The following ZNF676 variants were observed in gnomAD, a reference collection of about 807,000 sequenced individuals.
ZNF676 encodes zinc finger protein 676.
In ZNF676, 4 loss-of-function variants were observed where a neutral mutation model predicts 6.0. That is an observed-to-expected ratio of 0.67 (90% CI 0.33 to 1.53). ZNF676 has a LOEUF of 1.53. ZNF676 is among the 40% of genes most tolerant of loss of function. The pLI is 0.06. For synonymous variants in ZNF676, 198 were observed against 223.1 expected, an observed-to-expected ratio of 0.89 and a Z score of 1.00; for missense variants, 644 against 679.7, an observed-to-expected ratio of 0.95 and a Z score of 0.58.
chr19:22,181,924 T>A (rs1394985307), intron 2 of ZNF676, among the ~76,000 whole-genome samples: 1 of 144,066 alleles, frequency 6.9e-6, no homozygotes, highest in East Asian at 2.2e-4. Flanking sequence ...ATTGTCCATT[T>A]CTGATTTTTT....
the ZNF676 span, among the ~76,000 whole-genome samples, chr19:22,234,087 C>A: frequency 6.6e-6 from 1 of 152,232 alleles, no homozygotes; most frequent in Non-Finnish European, 1.5e-5. Flanking sequence ...TCCTTCCATG[C>A]AAAGTGCACA....
chr19:22,240,752 A>G, the ZNF676 span, among the ~76,000 whole-genome samples: 65 of 152,062 alleles, frequency 4.3e-4, 3 homozygotes, highest in African/African-American at 1.5e-3. Context: ...AGATCATGCT[A>G]CTGCACTCCA....
chr19:22,228,576 C>T, the ZNF676 span, among the ~76,000 whole-genome samples: 1 of 152,136 alleles, frequency 6.6e-6, no homozygotes, highest in Non-Finnish European at 1.5e-5. Context: ...TCTCTGTTTG[C>T]AGATGACATG....
At chr19:22,219,488 A>G (rs186781838), upstream of ZNF676, among the ~76,000 whole-genome samples, 48 of 152,194 alleles carry the variant, frequency 3.2e-4, no homozygotes, top group South Asian at 8.3e-4. Context: ...CTCTTTACCA[A>G]TTTAGATTCT....
chr19:22,209,163 G>A (rs1295925290), intron 1 of ZNF676, among the ~76,000 whole-genome samples: 2 of 152,034 alleles, frequency 1.3e-5, no homozygotes, highest in African/African-American at 4.8e-5. Context: ...TACTTGGGAG[G>A]CTGTGGCAGA....
chr19:22,243,869 A>G, the ZNF676 span: 6 of 152,186 alleles, frequency 3.9e-5, no homozygotes, highest in Non-Finnish European at 8.8e-5. Context: ...GAGATTCAGG[A>G]GCTCACTAGC....
At chr19:22,227,458 A>T in the ZNF676 span, among the ~76,000 whole-genome samples, 1 of 152,336 alleles carries the variant, frequency 6.6e-6, no homozygotes, top group Middle Eastern at 3.4e-3. Context: ...GAACTAGAGA[A>T]GCAAGAGCAA....
At chr19:22,248,098 T>G in the ZNF676 span, among the ~76,000 whole-genome samples, 5 of 152,034 alleles carry the variant, frequency 3.3e-5, no homozygotes, top group Admixed American at 1.3e-4. Context: ...TATGGCTGCA[T>G]AGTATTCCAT....
chr19:22,243,034 C>T, the ZNF676 span, among the ~76,000 whole-genome samples: 28 of 151,730 alleles, frequency 1.8e-4, no homozygotes, highest in Non-Finnish European at 3.2e-4. Flanking sequence ...GTGGTAAGCC[C>T]AGTATTAAGT....
chr19:22,179,139 C>T lies in ZNF676; in HGVS notation c.*811G>A, dbSNP rs1011356189. ...CTAGTAGTTTTCTCCAGTATATTAT[C>T]TTACCTACAATCAAGTGTGACAGCC... On this transcript the variant is annotated 3_prime_UTR_variant, in exon 3 of 3. Transcript: ENST00000397121. 1 of 157,232 alleles carries T rather than the reference C, an allele frequency of 6.4e-6. No homozygotes were observed. The highest frequency in any genetic ancestry group is 2.4e-5 in the African/African-American group (1 of 41,474). 9.7% of individuals were successfully genotyped at this position (157,232 alleles called of 1,614,324 possible). A position where few individuals can be genotyped will look rare whatever the true frequency, so the allele number is the denominator to read the frequency against.
the ZNF676 span, among the ~76,000 whole-genome samples, chr19:22,236,837 G>A: frequency 6.6e-6 from 1 of 152,236 alleles, no homozygotes; most frequent in Non-Finnish European, 1.5e-5. Flanking sequence ...ACAGAAGTCA[G>A]ACTATTCTGA....
the ZNF676 span, among the ~76,000 whole-genome samples, chr19:22,242,898 A>G: frequency 6.6e-6 from 1 of 151,848 alleles, no homozygotes; most frequent in Non-Finnish European, 1.5e-5. Flanking sequence ...GAGCTAAACA[A>G]TGCATCACAG....
chr19:22,251,561 G>A, the ZNF676 span, among the ~76,000 whole-genome samples: 19 of 152,128 alleles, frequency 1.2e-4, no homozygotes, highest in Non-Finnish European at 2.2e-4. Flanking sequence ...AGGCCGAGGT[G>A]GGCAGATCAC....
In ZNF676 at chr19:22,205,104, G is replaced by A. The variant is rs2024063969; in HGVS notation, c.4-8378C>T. On this transcript the variant is annotated intron_variant, in intron 1 of 3. Coordinates refer to the ZNF676 transcript ENST00000650058. ...GCACTTAAAAGAATGTTTATGGGGG[G>A]AAAAGCAGAAGAGAGAAAATTGTTA... is the stretch of plus-strand genomic sequence containing the variant. 2.0e-5 allele frequency among the ~76,000 whole-genome samples: 3 copies of A among 151,984 alleles called. 1 individual carries two copies. In the South Asian group the frequency reaches 6.2e-4, roughly 32 times the overall value.
intron 1 of ZNF676, among the ~76,000 whole-genome samples, chr19:22,215,149 T>C (rs1469963327): frequency 6.6e-6 from 1 of 151,860 alleles, no homozygotes; most frequent in African/African-American, 2.4e-5. Context: ...ACTCTTTCCA[T>C]CAAACCCCTT....
At chr19:22,247,161 G>C in the ZNF676 span, among the ~76,000 whole-genome samples, 1 of 152,162 alleles carries the variant, frequency 6.6e-6, no homozygotes, top group African/African-American at 2.4e-5. Flanking sequence ...GATTGGGTTA[G>C]AGGCCCAATA....
At chr19:22,251,884 T>G in the ZNF676 span, among the ~76,000 whole-genome samples, 9 of 152,138 alleles carry the variant, frequency 5.9e-5, no homozygotes, top group African/African-American at 9.7e-5. Context: ...ACATTTGCCC[T>G]TATTTAGTTT....
At chr19:22,246,929 G>C in the ZNF676 span, among the ~76,000 whole-genome samples, 3 of 152,188 alleles carry the variant, frequency 2.0e-5, no homozygotes, top group Non-Finnish European at 2.9e-5. Context: ...TTTTTTGTTT[G>C]TTTGTTTCTT....
the ZNF676 span, among the ~76,000 whole-genome samples, chr19:22,249,857 A>C: frequency 6.6e-6 from 1 of 152,036 alleles, no homozygotes; most frequent in African/African-American, 2.4e-5. Flanking sequence ...AAACTGATTA[A>C]GATTGGATAG....
Sources: allele counts gnomAD v4.1 joint callset (sites outside exome capture counted in the v4.1 genomes callset), GRCh38; gene constraint gnomAD v4.1.1; transcripts MANE v1.5; gene names NCBI Gene and HGNC (gene_info 2026-07-23, HGNC 2026-07-21).